The following EDIL3 variants were observed in gnomAD, a reference collection of about 807,000 sequenced individuals.
The protein encoded by EDIL3 is EGF like and discoidin domains 3.
A neutral mutation model predicts 67.4 loss-of-function variants in EDIL3; 37 were observed. That is an observed-to-expected ratio of 0.55 (90% CI 0.42 to 0.72). EDIL3 has a LOEUF of 0.72. Among genes scored for constraint, EDIL3 ranks in the 30% least tolerant of loss-of-function variants. The probability of loss-of-function intolerance (pLI) is 0.00; values close to 1 mark genes in which losing one functional copy is unlikely to be tolerated. For synonymous variants in EDIL3, 195 were observed against 196.3 expected (o/e 0.99, Z 0.05); for missense variants, 527 against 586.3 (o/e 0.90, Z 1.04).
At chr5:84,006,078 T>TTAATAA (rs142039045) in intron 9 of EDIL3, among the ~76,000 whole-genome samples, 4,765 of 139,800 alleles carry the variant, frequency 0.034, 201 homozygotes, top group African/African-American at 0.11. Context: ...CACAATAGCA[T>TTAATAA]TAATAATAAT....
In EDIL3 at chr5:84,137,279, T is replaced by G; in HGVS notation, c.431A>C (p.Glu144Ala). ...CTDLVANYSC[E>A]CPGEFMGRNC... ...TCTTCCCATAAATTCGCCTGGGCAC[T>G]CACAGGAATAGTTAGCAACAAGATC... is the stretch of plus-strand genomic sequence containing the variant. The change falls in exon 5 of 11, where the codon GAG becomes GCG. Residue 144 changes from glutamate (E) to alanine (A), a missense_variant. Glu to Ala is a moderately radical substitution (Grantham distance 107, BLOSUM62 -1). Transcript: ENST00000296591. 6.2e-7 allele frequency: 1 copy of G among 1,613,236 alleles called. No homozygotes were observed. The highest frequency in any genetic ancestry group is 8.5e-7 in the Non-Finnish European group (1 of 1,179,826).
At chr5:84,226,369 T>G (rs1339640072) in intron 3 of EDIL3, among the ~76,000 whole-genome samples, 1 of 151,706 alleles carries the variant, frequency 6.6e-6, no homozygotes, top group Non-Finnish European at 1.5e-5. Flanking sequence ...TAAAGATATA[T>G]ATCTGATATA....
intron 4 of EDIL3, among the ~76,000 whole-genome samples, chr5:84,172,277 C>G (rs1029322580): frequency 1.3e-5 from 2 of 152,052 alleles, no homozygotes; most frequent in African/African-American, 4.8e-5. Context: ...TAAAAATTTA[C>G]GCAGTTTTTG....
chr5:84,135,849 C>A (rs370367808), intron 5 of EDIL3, among the ~76,000 whole-genome samples: 7 of 151,924 alleles, frequency 4.6e-5, no homozygotes, highest in Admixed American at 6.6e-5. Flanking sequence ...TTCAAGATTT[C>A]TCTATGATAT....
chr5:84,121,747 G>A (rs150735606), intron 5 of EDIL3, among the ~76,000 whole-genome samples: 2 of 151,854 alleles, frequency 1.3e-5, no homozygotes, highest in African/African-American at 2.4e-5. Context: ...CCTTTTCTTC[G>A]CTGTCCCAGC....
intron 7 of EDIL3, among the ~76,000 whole-genome samples, chr5:84,065,567 G>T (rs1031533529): frequency 2.0e-5 from 3 of 151,474 alleles, no homozygotes; most frequent in Non-Finnish European, 4.4e-5. Flanking sequence ...TGATTAAATG[G>T]AATGATCTCC....
chr5:84,190,551 A>ATATATG (rs1554072297), intron 3 of EDIL3, among the ~76,000 whole-genome samples: 5 of 126,982 alleles, frequency 3.9e-5, no homozygotes, highest in African/African-American at 6.0e-5. Flanking sequence ...ATATATATAT[A>ATATATG]TGTGTGTGTG....
intron 1 of EDIL3, among the ~76,000 whole-genome samples, chr5:84,321,480 G>C (rs1334637280): frequency 6.6e-6 from 1 of 152,092 alleles, no homozygotes; most frequent in Non-Finnish European, 1.5e-5. Flanking sequence ...ATGTTTGATG[G>C]AACTATTTTG....
intron 3 of EDIL3, among the ~76,000 whole-genome samples, chr5:84,195,959 T>C (rs1743695136): frequency 6.6e-6 from 1 of 151,938 alleles, no homozygotes; most frequent in African/African-American, 2.4e-5. Context: ...GGCTAAAAAG[T>C]GCAGTCTTTG....
intron 9 of EDIL3, among the ~76,000 whole-genome samples, chr5:84,030,787 A>G (rs1745905455): frequency 6.6e-6 from 1 of 152,080 alleles, no homozygotes; most frequent in Non-Finnish European, 1.5e-5. Context: ...AACTTCTCAC[A>G]CAACCTTGAC....
chr5:84,108,829 G>A (rs1747508204), intron 5 of EDIL3, among the ~76,000 whole-genome samples: 1 of 152,108 alleles, frequency 6.6e-6, no homozygotes, highest in South Asian at 2.1e-4. Context: ...TTTATTGTAG[G>A]CCAGTAAGTA....
At chr5:84,100,798 T>C (rs1477586269) in intron 6 of EDIL3, among the ~76,000 whole-genome samples, 1 of 152,164 alleles carries the variant, frequency 6.6e-6, no homozygotes, top group African/African-American at 2.4e-5. Flanking sequence ...TTTCAATAAA[T>C]ACACCAATTT....
intron 4 of EDIL3, among the ~76,000 whole-genome samples, chr5:84,157,965 T>C (rs184403909): frequency 1.6e-4 from 25 of 152,226 alleles, no homozygotes; most frequent in Non-Finnish European, 2.4e-4. Flanking sequence ...TAGACAATGA[T>C]AACCGGAATC....
chr5:84,190,601 AT>A (rs1561457877), intron 3 of EDIL3, among the ~76,000 whole-genome samples: 18 of 125,028 alleles, frequency 1.4e-4, no homozygotes, highest in African/African-American at 3.9e-4. Flanking sequence ...ATATATATAT[AT>A]ATAATAAACA....
chr5:84,166,090 A>T (rs1748698639), intron 4 of EDIL3, among the ~76,000 whole-genome samples: 1 of 152,146 alleles, frequency 6.6e-6, no homozygotes, highest in Non-Finnish European at 1.5e-5. Context: ...TGATTGATTT[A>T]AACAATCTTA....
chr5:84,380,431 T>A (rs1049508912), intron 1 of EDIL3, among the ~76,000 whole-genome samples: 1 of 152,108 alleles, frequency 6.6e-6, no homozygotes, highest in Non-Finnish European at 1.5e-5. Context: ...AACACATATT[T>A]GCAAAATTTG....
At chr5:84,136,876 T>C (rs1748101477) in intron 5 of EDIL3, among the ~76,000 whole-genome samples, 1 of 152,086 alleles carries the variant, frequency 6.6e-6, no homozygotes, top group Non-Finnish European at 1.5e-5. Flanking sequence ...AGTGTCACTT[T>C]GGTGGTAGAA....
chr5:84,331,305 G>A (rs1237410704), intron 1 of EDIL3, among the ~76,000 whole-genome samples: 11 of 152,076 alleles, frequency 7.2e-5, no homozygotes, highest in Admixed American at 7.2e-4. Flanking sequence ...GATTTGGGAG[G>A]GGCCCAGGGA....
At chr5:84,160,744 TCTTTCCTTTCCTTTC>T (rs58536621) in intron 4 of EDIL3, among the ~76,000 whole-genome samples, 1,632 of 99,920 alleles carry the variant, frequency 0.016, 23 homozygotes, top group African/African-American at 0.032. Context: ...TCTTTTCTTT[TCTTTCCTTTCCTTTC>T]CTTTCCTTTC....
Sources: gnomAD v4.1 joint callset for allele counts (sites outside exome capture counted in the v4.1 genomes callset) on GRCh38, gnomAD v4.1.1 for gene constraint, MANE v1.5 for transcripts, NCBI Gene and HGNC (gene_info 2026-07-23, HGNC 2026-07-21) for gene names.